Variants in LINGO2 observed in about 807,000 individuals in gnomAD.
LINGO2 encodes the protein leucine rich repeat and Ig domain containing 2, also known as leucine-rich repeat and immunoglobulin-like domain-containing nogo receptor-interacting protein 2.
Under a neutral mutation model 30.6 loss-of-function variants are expected in LINGO2, and 14 were observed. The observed-to-expected ratio is 0.46, with a 90% CI of 0.30 to 0.72. The LOEUF (loss-of-function observed/expected upper bound fraction) is 0.72. Ranked by LOEUF, LINGO2 falls within the 30% of genes least tolerant of loss-of-function variation. The pLI, the probability that LINGO2 is intolerant of heterozygous loss-of-function variation, is 0.07. For missense variants in LINGO2, 729 were observed against 751.7 expected, an observed-to-expected ratio of 0.97 and a Z score of 0.35; for synonymous variants, 317 against 288.5, an observed-to-expected ratio of 1.10 and a Z score of -1.00.
At chr9:28,001,000 C>T (rs144581919) in intron 5 of LINGO2, among the ~76,000 whole-genome samples, 11 of 152,294 alleles carry the variant, frequency 7.2e-5, no homozygotes, top group South Asian at 6.2e-4. Flanking sequence ...AAAATATTTT[C>T]GACTAATTGA....
chr9:28,766,776 AAGAGAGAGAGAGGG>A, the LINGO2 span, among the ~76,000 whole-genome samples: 5 of 146,146 alleles, frequency 3.4e-5, no homozygotes, highest in South Asian at 2.1e-4. Flanking sequence ...GAGGGAGGGA[AAGAGAGAGAGAGGG>A]AGAGAGAGAG....
At chr9:29,113,070 A>C in the LINGO2 span, among the ~76,000 whole-genome samples, 1 of 152,214 alleles carries the variant, frequency 6.6e-6, no homozygotes, top group Admixed American at 6.5e-5. Flanking sequence ...CAAAGGAGAA[A>C]GTATAACTTG....
chr9:29,026,181 C>T, the LINGO2 span, among the ~76,000 whole-genome samples: 1 of 152,000 alleles, frequency 6.6e-6, no homozygotes, highest in African/African-American at 2.4e-5. Flanking sequence ...TACAGGCGCA[C>T]ACCACCATGT....
chr9:28,884,595 C>A, the LINGO2 span, among the ~76,000 whole-genome samples: 1 of 150,828 alleles, frequency 6.6e-6, no homozygotes, highest in East Asian at 1.9e-4. Flanking sequence ...AAATAATTCC[C>A]AAATTGTAAG....
chr9:28,349,598 T>A (rs1426493289), intron 3 of LINGO2, among the ~76,000 whole-genome samples: 27 of 135,274 alleles, frequency 2.0e-4, no homozygotes, highest in African/African-American at 7.6e-4. Flanking sequence ...CAGGAGAACT[T>A]CCCCAATCTA....
chr9:28,324,866 T>G (rs1353706039), intron 3 of LINGO2, among the ~76,000 whole-genome samples: 1 of 152,174 alleles, frequency 6.6e-6, no homozygotes, highest in East Asian at 1.9e-4. Flanking sequence ...TTCTTTTATT[T>G]CTTTACTTCT....
the LINGO2 span, among the ~76,000 whole-genome samples, chr9:28,682,208 T>C: frequency 6.6e-6 from 1 of 152,204 alleles, no homozygotes; most frequent in Non-Finnish European, 1.5e-5. Flanking sequence ...TCAATGACAC[T>C]GTTCAGTCAC....
chr9:28,001,899 A>G (rs1355170988), intron 5 of LINGO2, among the ~76,000 whole-genome samples: 2 of 152,230 alleles, frequency 1.3e-5, no homozygotes, highest in African/African-American at 4.8e-5. Flanking sequence ...CAAAATTTTG[A>G]TAATTGATAC....
chr9:28,104,288 CT>C (rs1162735098), intron 4 of LINGO2, among the ~76,000 whole-genome samples: 2 of 48,654 alleles, frequency 4.1e-5, no homozygotes, highest in African/African-American at 1.5e-4. Flanking sequence ...TTTTTTTTTG[CT>C]TTTTTTTCCC....
At chr9:28,975,574 T>C in the LINGO2 span, among the ~76,000 whole-genome samples, 1 of 152,220 alleles carries the variant, frequency 6.6e-6, no homozygotes, top group African/African-American at 2.4e-5. Flanking sequence ...TATGCAAAAT[T>C]ATCTATGACA....
At chr9:28,028,731 ATT>A (rs1563924932) in intron 4 of LINGO2, among the ~76,000 whole-genome samples, 4 of 152,070 alleles carry the variant, frequency 2.6e-5, no homozygotes, top group African/African-American at 4.8e-5. Context: ...GTTATATTGT[ATT>A]TGTGTTTTTT....
At chr9:27,968,550 T>C (rs1225567118) in intron 5 of LINGO2, among the ~76,000 whole-genome samples, 1 of 152,014 alleles carries the variant, frequency 6.6e-6, no homozygotes, top group African/African-American at 2.4e-5. Flanking sequence ...TGTTAGATTG[T>C]GCTATAGGTA....
At chr9:28,816,314 T>C in the LINGO2 span, among the ~76,000 whole-genome samples, 57,398 of 152,102 alleles carry the variant, frequency 0.38, 12,742 homozygotes, top group Middle Eastern at 0.51. Flanking sequence ...CTGAGCAATT[T>C]TGCCAGGGGC....
the LINGO2 span, among the ~76,000 whole-genome samples, chr9:28,734,064 T>TC: frequency 2.0e-5 from 3 of 152,008 alleles, no homozygotes; most frequent in Admixed American, 2.0e-4. Context: ...TATGATTTTT[T>TC]TCTCTCTCTC....
chr9:28,349,068 T>G (rs2134431528), intron 3 of LINGO2, among the ~76,000 whole-genome samples: 1 of 151,738 alleles, frequency 6.6e-6, no homozygotes, highest in South Asian at 2.1e-4. Flanking sequence ...ACAGAAAAAC[T>G]GGAAACTCTA....
the LINGO2 span, among the ~76,000 whole-genome samples, chr9:29,164,874 T>C: frequency 6.6e-6 from 1 of 152,200 alleles, no homozygotes; most frequent in Non-Finnish European, 1.5e-5. Flanking sequence ...ATTTATTCAC[T>C]GATCTATTAA....
At chr9:28,027,178 G>A (rs1182511557) in intron 4 of LINGO2, among the ~76,000 whole-genome samples, 1 of 152,182 alleles carries the variant, frequency 6.6e-6, no homozygotes, top group Non-Finnish European at 1.5e-5. Flanking sequence ...CACTTAAATG[G>A]ATTTACTCTA....
At chr9:28,426,018 A>G (rs754859796) in intron 2 of LINGO2, among the ~76,000 whole-genome samples, 1 of 152,062 alleles carries the variant, frequency 6.6e-6, no homozygotes, top group Non-Finnish European at 1.5e-5. Context: ...TTCAGAGAAG[A>G]TAGAGTCATT....
intron 3 of LINGO2, among the ~76,000 whole-genome samples, chr9:28,335,357 G>C (rs77775756): frequency 5.9e-5 from 9 of 152,116 alleles, no homozygotes; most frequent in East Asian, 3.9e-4. Flanking sequence ...CAGGGATCTC[G>C]CATTGTAGCC....
Sources: gnomAD v4.1 joint callset for allele counts (sites outside exome capture counted in the v4.1 genomes callset) on GRCh38, gnomAD v4.1.1 for gene constraint, MANE v1.5 for transcripts, NCBI Gene and HGNC (gene_info 2026-07-23, HGNC 2026-07-21) for gene names.